The following ZNF248 variants were observed in gnomAD, a reference collection of about 807,000 sequenced individuals.
ZNF248 encodes KRAB protein domain.
In ZNF248, 20 loss-of-function variants were observed where a neutral mutation model predicts 44.3. The observed-to-expected ratio is 0.45, with a 90% CI of 0.32 to 0.66. The LOEUF (loss-of-function observed/expected upper bound fraction) is 0.66, where lower values mean the gene tolerates loss of function less well. Ranked by LOEUF, ZNF248 falls within the 30% of genes least tolerant of loss-of-function variation. The probability of loss-of-function intolerance (pLI) is 0.04; values close to 1 mark genes in which losing one functional copy is unlikely to be tolerated. For synonymous variants in ZNF248, 224 were observed against 229.0 expected (o/e 0.98, Z 0.20); for missense variants, 654 against 677.0 (o/e 0.97, Z 0.38).
chr10:37,766,673 GA>G, the ZNF248 span, among the ~76,000 whole-genome samples: 5 of 152,074 alleles, frequency 3.3e-5, no homozygotes, highest in African/African-American at 1.2e-4. Context: ...CAAAGATGGG[GA>G]AAAACAGAGT....
intron 6 of ZNF248, among the ~76,000 whole-genome samples, chr10:37,815,754 A>T (rs2052346155): frequency 6.6e-6 from 1 of 151,808 alleles, no homozygotes; most frequent in Non-Finnish European, 1.5e-5. Flanking sequence ...ATCTCTGGAG[A>T]TCAGATTCTC....
At chr10:37,838,765 A>C (rs2057750357) in intron 3 of ZNF248, among the ~76,000 whole-genome samples, 1 of 152,140 alleles carries the variant, frequency 6.6e-6, no homozygotes, top group African/African-American at 2.4e-5. Context: ...AAAAAAGCAA[A>C]CTCACAGGTG....
At chr10:37,857,052 C>G (rs1486722706) in intron 1 of ZNF248, 133 bp downstream of exon 1, 1 of 152,338 alleles carries the variant, frequency 6.6e-6, no homozygotes, top group African/African-American at 2.4e-5. Flanking sequence ...CTGGATGTGC[C>G]CGGTGTTCGC....
intron 3 of ZNF248, among the ~76,000 whole-genome samples, chr10:37,855,153 GA>G (rs1050374591): frequency 1.3e-5 from 2 of 151,770 alleles, no homozygotes. Flanking sequence ...CCAAAAACTA[GA>G]AAAAAAATAG....
the ZNF248 span, among the ~76,000 whole-genome samples, chr10:37,763,434 T>A: frequency 6.6e-6 from 1 of 152,236 alleles, no homozygotes; most frequent in Non-Finnish European, 1.5e-5. Flanking sequence ...ACATCCTGCA[T>A]TCATGAGAAA....
At chr10:37,794,483 C>G (rs1428410528) in intron 6 of ZNF248, 1 of 162,376 alleles carries the variant, frequency 6.2e-6, no homozygotes, top group Non-Finnish European at 1.4e-5. Context: ...TTTTCTCAGT[C>G]GGTACATTCA....
chr10:37,804,491 T>C (rs1349542899), intron 6 of ZNF248, among the ~76,000 whole-genome samples: 3 of 152,182 alleles, frequency 2.0e-5, no homozygotes, highest in Non-Finnish European at 4.4e-5. Flanking sequence ...TGGAGTGCAG[T>C]GTTGCCATCT....
rs961404765 is a variant in ZNF248, at chr10:37,830,418, G to A, written c.*1197C>T. The A allele has an allele frequency of 2.0e-6, 2 of 985,144 alleles. No homozygotes were observed. Among genetic ancestry groups the A allele is most frequent in the African/African-American group, 3.5e-5 (2 of 57,194 alleles). The allele number at this position is 985,144 out of a possible 1,614,324, so 61.0% of individuals were successfully genotyped here. A position where few individuals can be genotyped will look rare whatever the true frequency, so the allele number is the denominator to read the frequency against. On this transcript the variant is annotated 3_prime_UTR_variant, in exon 6 of 6. Transcript: ENST00000395867. The stretch of plus-strand genomic sequence containing the variant: ...TAATATTTCACTAAAAACATATACT[G>A]GCCAACCTACAAAGAGACTCCGGTA...
chr10:37,763,688 T>G, the ZNF248 span, among the ~76,000 whole-genome samples: 1 of 152,182 alleles, frequency 6.6e-6, no homozygotes, highest in African/African-American at 2.4e-5. Context: ...ACAGAAAAGA[T>G]ATGTTGTTGC....
the ZNF248 span, among the ~76,000 whole-genome samples, chr10:37,765,579 A>G: frequency 6.6e-6 from 1 of 152,240 alleles, no homozygotes; most frequent in Admixed American, 6.5e-5. Flanking sequence ...TGCATAAAAT[A>G]CAAACTTCAC....
Position 37,821,241 on chromosome 10 carries a change from A to G in ZNF248, c.330+11784T>C, listed in dbSNP as rs2053416328. Among the ~76,000 whole-genome samples, 3 of 147,106 alleles carry G rather than the reference A, an allele frequency of 2.0e-5. 1 individual carries two copies. The South Asian group carries it at 6.2e-4, about 30-fold the overall frequency. The stretch of plus-strand genomic sequence containing the variant: ...AAATGACATACCTATTGGTTGGATG[A>G]ATATATTTAGGATTTCCTTGGTTCT... On this transcript the variant is annotated intron_variant, in intron 6 of 6. Transcript: ENST00000615949.
chr10:37,808,797 A>C (rs1445979554), intron 6 of ZNF248, among the ~76,000 whole-genome samples: 3 of 152,102 alleles, frequency 2.0e-5, no homozygotes, highest in Non-Finnish European at 2.9e-5. Context: ...AAAAAGACTA[A>C]TGTTAGTCGG....
chr10:37,837,497 C>T, intron 5 of ZNF248, 120 bp downstream of exon 5: 1 of 766,290 alleles, frequency 1.3e-6, no homozygotes, highest in Non-Finnish European at 2.1e-6. Context: ...TGATCATTTC[C>T]AAAGGTCTGG....
At chr10:37,760,354 C>G in the ZNF248 span, among the ~76,000 whole-genome samples, 29 of 152,226 alleles carry the variant, frequency 1.9e-4, no homozygotes, top group African/African-American at 6.7e-4. Flanking sequence ...CCTCAGCCTA[C>G]TGAGTAGCCA....
intron 6 of ZNF248, among the ~76,000 whole-genome samples, chr10:37,790,735 A>T (rs1434583710): frequency 1.4e-5 from 2 of 147,688 alleles, no homozygotes; most frequent in Admixed American, 6.9e-5. Context: ...TAAATAAATA[A>T]TTTTTTAAAA....
rs112255839 is a variant in ZNF248 at position 37,790,735 on chromosome 10, ATT to A, written c.331-14162_331-14161del. 4.4e-4 allele frequency among the ~76,000 whole-genome samples: 65 copies of A among 147,688 alleles called. No homozygotes were observed. In the East Asian group the frequency reaches 5.2e-3, roughly 12 times the overall value. On this transcript the variant is annotated intron_variant, in intron 6 of 6. Transcript: ENST00000615949. ...AAATAAATAAATAAATAAATAAATA[ATT>A]TTTTAAAAAAATAAAAATAAAAAAT...
intron 3 of ZNF248, among the ~76,000 whole-genome samples, chr10:37,845,300 G>A (rs2059142223): frequency 1.3e-5 from 2 of 151,208 alleles, no homozygotes; most frequent in African/African-American, 4.9e-5. Flanking sequence ...TTACGGGCAA[G>A]AGCCACCATG....
At chr10:37,838,599 C>A (rs993973461) in intron 3 of ZNF248, among the ~76,000 whole-genome samples, 1 of 152,104 alleles carries the variant, frequency 6.6e-6, no homozygotes, top group African/African-American at 2.4e-5. Context: ...AGTCTACATG[C>A]CCATCAGAGA....
intron 3 of ZNF248, among the ~76,000 whole-genome samples, chr10:37,842,471 C>G (rs932077839): frequency 1.6e-4 from 25 of 152,174 alleles, no homozygotes; most frequent in Non-Finnish European, 3.2e-4. Flanking sequence ...TTACCCCAAC[C>G]CTCCTTGGCT....
Sources: gnomAD v4.1 joint callset for allele counts (sites outside exome capture counted in the v4.1 genomes callset) on GRCh38, gnomAD v4.1.1 for gene constraint, MANE v1.5 for transcripts, NCBI Gene and HGNC (gene_info 2026-07-23, HGNC 2026-07-21) for gene names.